Variants in SLC24A3 observed in about 807,000 individuals in gnomAD.
The protein encoded by SLC24A3 is sodium/potassium/calcium exchanger 3.
SLC24A3 carries 28 observed loss-of-function variants against 75.8 expected under a neutral mutation model. That is an observed-to-expected ratio of 0.37 (90% CI 0.27 to 0.51). The LOEUF is 0.51. Ranked by LOEUF, SLC24A3 falls within the 20% of genes least tolerant of loss-of-function variation. SLC24A3 has a pLI of 0.94. For missense variants in SLC24A3, 663 were observed against 847.8 expected (o/e 0.78, Z 2.71); for synonymous variants, 372 against 334.1 (o/e 1.11, Z -1.24).
intron 2 of SLC24A3, among the ~76,000 whole-genome samples, chr20:19,502,756 T>G (rs1988403357): frequency 6.7e-6 from 1 of 149,786 alleles, no homozygotes. Flanking sequence ...GAAGACCGGG[T>G]GCAGTGGCTT....
chr20:19,241,401 G>GC (rs1982323629), intron 1 of SLC24A3, among the ~76,000 whole-genome samples: 1 of 152,138 alleles, frequency 6.6e-6, no homozygotes, highest in Admixed American at 6.5e-5. Context: ...CACTCCCCAG[G>GC]CATCTCCTCT....
chr20:19,587,981 A>C (rs1328956327), intron 6 of SLC24A3, among the ~76,000 whole-genome samples: 2 of 152,214 alleles, frequency 1.3e-5, no homozygotes, highest in African/African-American at 2.4e-5. Flanking sequence ...CTTATCTAAC[A>C]GTCAAGGGTG....
chr20:19,594,390 A>G (rs1220678170), intron 6 of SLC24A3, among the ~76,000 whole-genome samples: 5 of 152,228 alleles, frequency 3.3e-5, no homozygotes, highest in African/African-American at 1.2e-4. Context: ...GAATCTAAAA[A>G]TGCAGGCCTG....
intron 6 of SLC24A3, among the ~76,000 whole-genome samples, chr20:19,606,650 G>A (rs1224623618): frequency 1.3e-5 from 2 of 152,172 alleles, no homozygotes; most frequent in African/African-American, 4.8e-5. Flanking sequence ...TATGTAGGAG[G>A]GAGATGAGAA....
chr20:19,256,816 A>T (rs1312148785), intron 1 of SLC24A3, among the ~76,000 whole-genome samples: 1 of 151,576 alleles, frequency 6.6e-6, no homozygotes, highest in African/African-American at 2.4e-5. Context: ...TAAGCTATGT[A>T]TTGATAAAGC....
In SLC24A3 at chr20:19,596,128, C is replaced by G. The variant is rs572391951; in HGVS notation, c.612+10584C>G. ...CGGGAGAGTTTTAAGCTGTTGACTA[C>G]CGTTATGCAATTTATATTCTGGGAA... On this transcript the variant is annotated intron_variant, in intron 6 of 16. Coordinates refer to ENST00000328041, the MANE Select transcript of SLC24A3 (RefSeq NM_020689.4). Among the ~76,000 whole-genome samples the G allele has an allele frequency of 3.9e-5, 6 of 152,126 alleles. No individual in the cohort carries two copies. In the South Asian group the frequency reaches 1.2e-3, roughly 32 times the overall value.
intron 2 of SLC24A3, among the ~76,000 whole-genome samples, chr20:19,392,674 C>A (rs867242114): frequency 1.1e-4 from 17 of 152,280 alleles, no homozygotes; most frequent in African/African-American, 4.1e-4. Flanking sequence ...GTTTGCCAGG[C>A]AATGGTCCTC....
intron 2 of SLC24A3, among the ~76,000 whole-genome samples, chr20:19,353,595 G>A: frequency 6.6e-6 from 1 of 152,294 alleles, no homozygotes; most frequent in African/African-American, 2.4e-5. Context: ...TGTGCATAAA[G>A]AGCTTGCATC....
chr20:19,450,403 C>T (rs778031320), intron 2 of SLC24A3, among the ~76,000 whole-genome samples: 1 of 152,114 alleles, frequency 6.6e-6, no homozygotes, highest in Non-Finnish European at 1.5e-5. Context: ...GATCATGAGA[C>T]ACTGTGATAT....
intron 2 of SLC24A3, among the ~76,000 whole-genome samples, chr20:19,436,287 T>TA (rs1248153194): frequency 6.6e-6 from 1 of 152,212 alleles, no homozygotes; most frequent in Non-Finnish European, 1.5e-5. Context: ...TGACTTCCTT[T>TA]AAAAAAGCCA....
chr20:19,576,829 A>G (rs568808758), intron 3 of SLC24A3, among the ~76,000 whole-genome samples: 10 of 152,178 alleles, frequency 6.6e-5, no homozygotes, highest in Non-Finnish European at 1.3e-4. Flanking sequence ...TGAATATGTC[A>G]GCTATGGAAC....
At chr20:19,337,418 TG>T (rs796090047) in intron 2 of SLC24A3, among the ~76,000 whole-genome samples, 56 of 152,108 alleles carry the variant, frequency 3.7e-4, no homozygotes, top group African/African-American at 1.1e-3. Flanking sequence ...CACTCCAGCC[TG>T]GGCAACAAGA....
At position 19,309,387 on chromosome 20, in the gene SLC24A3, G is replaced by A. The variant is rs534842786; in HGVS notation, c.271+28300G>A. ...TAATGTATATTAAGGGCCAAACCAG[G>A]TGGTTAGCATGTTCTCTTGCCTTCT... On this transcript the variant is annotated intron_variant, in intron 2 of 16. Transcript: ENST00000328041. Among the ~76,000 whole-genome samples the A allele has an allele frequency of 2.1e-3, 317 of 152,312 alleles. 2 individuals are homozygous for A. The highest frequency in any genetic ancestry group is 3.9e-3 in the Non-Finnish European group (267 of 68,032).
At position 19,212,907 on chromosome 20, in the gene SLC24A3, T is replaced by G; in HGVS notation, c.65T>G (p.Leu22Arg). The G allele has an allele frequency of 1.5e-6, 2 of 1,343,702 alleles. No homozygotes were observed. Among genetic ancestry groups the G allele is most frequent in the Non-Finnish European group, 1.9e-6 (2 of 1,043,302 alleles). The allele number at this position is 1,343,702 out of a possible 1,614,324, so 83.2% of individuals were successfully genotyped here. ...RRRRRRRRRD[L>R]LLSQLCFLAS... The stretch of plus-strand genomic sequence containing the variant: ...CGCCGCCGCCGCCGCCGGAGGGACC[T>G]TCTGCTGAGCCAGCTCTGCTTCCTG... Residue 22 changes from leucine (L) to arginine (R), a missense_variant, in exon 1 of 17, where the codon CTT becomes CGT. Transcript: ENST00000328041.
chr20:19,366,445 T>C (rs1253595513), intron 2 of SLC24A3, among the ~76,000 whole-genome samples: 3 of 152,218 alleles, frequency 2.0e-5, no homozygotes, highest in African/African-American at 7.2e-5. Flanking sequence ...TCTTTTTTTG[T>C]AGTTCTCCAT....
intron 2 of SLC24A3, among the ~76,000 whole-genome samples, chr20:19,306,381 G>A (rs1984330252): frequency 6.6e-6 from 1 of 151,748 alleles, no homozygotes; most frequent in South Asian, 2.1e-4. Context: ...TGGGTATATA[G>A]TCAAAAGACA....
At chr20:19,634,400 G>A (rs1211363661) in intron 6 of SLC24A3, among the ~76,000 whole-genome samples, 1 of 152,128 alleles carries the variant, frequency 6.6e-6, no homozygotes, top group East Asian at 1.9e-4. Flanking sequence ...ATTTAAGGAG[G>A]AAACAAAGGG....
Position 19,299,198 on chromosome 20 carries a change from A to ATGTGTGTGTG in SLC24A3, c.271+18127_271+18136dup, listed in dbSNP as rs57048749. Among the ~76,000 whole-genome samples, 1,018 of 145,012 alleles carry ATGTGTGTGTG rather than the reference A, an allele frequency of 7.0e-3. 9 individuals are homozygous for ATGTGTGTGTG. The highest frequency in any genetic ancestry group is 0.019 in the African/African-American group (765 of 39,686). On this transcript the variant is annotated intron_variant, in intron 2 of 16. Transcript: ENST00000328041. ...CCTTCGTGTGTGTGTGTGTGTGTGT[A>ATGTGTGTGTG]TGTGTGTGTGTGTGTGTGTGTGTGT...
At chr20:19,280,508 A>G (rs115036590) in intron 1 of SLC24A3, among the ~76,000 whole-genome samples, 163 of 152,206 alleles carry the variant, frequency 1.1e-3, no homozygotes, top group African/African-American at 3.8e-3. Flanking sequence ...ATCTCTTCCG[A>G]ATACCATTTT....
Sources: gnomAD v4.1 joint callset for allele counts (sites outside exome capture counted in the v4.1 genomes callset) on GRCh38, gnomAD v4.1.1 for gene constraint, MANE v1.5 for transcripts, NCBI Gene and HGNC (gene_info 2026-07-23, HGNC 2026-07-21) for gene names.